Variants in DNAH3 observed in about 807,000 individuals in gnomAD.
The protein encoded by DNAH3 is axonemal beta dynein heavy chain 3.
In DNAH3, 332 loss-of-function variants were observed where a neutral mutation model predicts 432.5. The ratio of observed to expected loss-of-function variants is 0.77; its 90% CI spans 0.70 to 0.84. The LOEUF is 0.84. DNAH3 is among the 40% of genes least tolerant of loss of function. The pLI is 0.00. For synonymous variants in DNAH3, 1,956 were observed against 1,900.2 expected (o/e 1.03, Z -0.76); for missense variants, 4,861 against 5,114.0 (o/e 0.95, Z 1.51).
exon 37 of DNAH3, chr16:21,031,136 A>T: frequency 6.2e-7 from 1 of 1,614,158 alleles, no homozygotes. Context: ...ATCATCAGAG[A>T]GTGAAGACGC....
At chr16:21,065,593 C>T (rs1341592938) in intron 24 of DNAH3, among the ~76,000 whole-genome samples, 1 of 152,174 alleles carries the variant, frequency 6.6e-6, no homozygotes, top group Non-Finnish European at 1.5e-5. Context: ...CTATACTGTG[C>T]TGTCCAATAC....
intron 43 of DNAH3, among the ~76,000 whole-genome samples, chr16:20,997,835 T>TAA (rs765854199): frequency 0.24 from 17,700 of 74,346 alleles, 1,738 homozygotes; most frequent in African/African-American, 0.32. Context: ...CCTGTCTCCA[T>TAA]AAAAAAAAAA....
chr16:21,023,786 G>GGGGT (rs1555530933), intron 39 of DNAH3, among the ~76,000 whole-genome samples: 50 of 146,484 alleles, frequency 3.4e-4, no homozygotes, highest in East Asian at 8.1e-4. Context: ...CAGCTTTTGG[G>GGGGT]GTGTGTGTGT....
intron 43 of DNAH3, among the ~76,000 whole-genome samples, chr16:20,998,765 G>GC (rs1021476473): frequency 2.0e-5 from 3 of 149,000 alleles, no homozygotes; most frequent in Non-Finnish European, 4.5e-5. Flanking sequence ...AAAAAAAAAG[G>GC]GGGGGGCTCC....
At chr16:21,152,051 A>G (rs944509758) in intron 1 of DNAH3, among the ~76,000 whole-genome samples, 1 of 152,072 alleles carries the variant, frequency 6.6e-6, no homozygotes, top group Non-Finnish European at 1.5e-5. Context: ...CTTGGCCAAC[A>G]TAGTGAAACC....
intron 29 of DNAH3, among the ~76,000 whole-genome samples, chr16:21,051,404 G>A (rs1027729982): frequency 6.6e-6 from 1 of 152,150 alleles, no homozygotes; most frequent in African/African-American, 2.4e-5. Context: ...AGCCCTCTAC[G>A]TTAAGTCCTG....
At chr16:21,085,203 A>AC (rs200588717) in intron 19 of DNAH3, among the ~76,000 whole-genome samples, 1,902 of 150,626 alleles carry the variant, frequency 0.013, 31 homozygotes, top group African/African-American at 0.04. Context: ...ACATAGTAAG[A>AC]CCCCCCCCAT....
intron 60 of DNAH3, 83 bp downstream of exon 60, chr16:20,936,566 C>A (rs2301619): frequency 7.8e-7 from 1 of 1,278,616 alleles, no homozygotes; most frequent in Non-Finnish European, 1.1e-6. Flanking sequence ...CCTCCTCCCC[C>A]TGCCTCTAGT....
intron 28 of DNAH3, among the ~76,000 whole-genome samples, chr16:21,052,369 TG>T (rs2089990179): frequency 6.6e-6 from 1 of 152,228 alleles, no homozygotes; most frequent in Admixed American, 6.5e-5. Flanking sequence ...AGCTGGTCTT[TG>T]CTTTCTCCCA....
intron 1 of DNAH3, among the ~76,000 whole-genome samples, chr16:21,155,445 A>G (rs2092891489): frequency 1.3e-5 from 2 of 151,700 alleles, no homozygotes; most frequent in South Asian, 2.1e-4. Flanking sequence ...AACATGGTGA[A>G]ACCCTGTCTC....
chr16:21,096,134 A>ATT (rs11286672), intron 18 of DNAH3, among the ~76,000 whole-genome samples: 2,954 of 140,018 alleles, frequency 0.021, 103 homozygotes, highest in African/African-American at 0.072. Context: ...AGGGTCTCTG[A>ATT]TTTTTTTTTT....
intron 15 of DNAH3, among the ~76,000 whole-genome samples, chr16:21,106,096 C>A (rs2091938749): frequency 6.7e-6 from 1 of 148,494 alleles, no homozygotes; most frequent in South Asian, 2.1e-4. Context: ...AGGAGAATTG[C>A]TTGAACCCAG....
intron 58 of DNAH3, among the ~76,000 whole-genome samples, chr16:20,943,178 T>G (rs1395342036): frequency 6.6e-6 from 1 of 151,914 alleles, no homozygotes; most frequent in East Asian, 1.9e-4. Flanking sequence ...CAGCCCAGAA[T>G]CAAGCGATCC....
exon 46 of DNAH3, chr16:20,987,781 G>A (rs1666745439): frequency 6.2e-7 from 1 of 1,614,030 alleles, no homozygotes. Context: ...CTTCGAGGGA[G>A]TTGGCAAGAA....
intron 25 of DNAH3, among the ~76,000 whole-genome samples, chr16:21,061,555 T>C (rs572427185): frequency 6.6e-6 from 1 of 152,356 alleles, no homozygotes; most frequent in South Asian, 2.1e-4. Flanking sequence ...TCATGTCATT[T>C]TCTGAAACAG....
intron 11 of DNAH3, among the ~76,000 whole-genome samples, chr16:21,120,096 C>G (rs1162837027): frequency 7.0e-6 from 1 of 143,820 alleles, no homozygotes; most frequent in Non-Finnish European, 1.5e-5. Flanking sequence ...GTTAGCTTTT[C>G]CCTACCAACT....
intron 50 of DNAH3, among the ~76,000 whole-genome samples, chr16:20,976,936 T>C (rs1423323050): frequency 6.6e-6 from 1 of 152,224 alleles, no homozygotes; most frequent in East Asian, 1.9e-4. Context: ...GTTTGGGATA[T>C]TTTGCTATGG....
chr16:21,134,025 A>G, intron 7 of DNAH3: 1 of 429,234 alleles, frequency 2.3e-6, no homozygotes, highest in South Asian at 4.1e-5. Context: ...ATTAAGCAGG[A>G]TATTCCAGTG....
rs1048448080 is a variant in DNAH3, at chr16:21,036,908, C to T, written c.4951-60G>A. Reference sequence around the variant, plus strand: ...TAAAGTATCAGATATATGACCTCAACATTTTCCTAAAATGAGATGTATCAA... The same window carrying T: ...TAAAGTATCAGATATATGACCTCAATATTTTCCTAAAATGAGATGTATCAA... On this transcript the variant is annotated intron_variant, in intron 34 of 61. Coordinates refer to ENST00000261383, the Ensembl canonical transcript of DNAH3. 8 of 1,397,960 alleles carry T rather than the reference C, an allele frequency of 5.7e-6. No homozygotes were observed. The African/African-American group carries it at 1.0e-4, about 18-fold the overall frequency. 86.6% of individuals were successfully genotyped at this position (1,397,960 alleles called of 1,614,324 possible). A position where few individuals can be genotyped will look rare whatever the true frequency, so the allele number is the denominator to read the frequency against.
Sources: allele counts gnomAD v4.1 joint callset (sites outside exome capture counted in the v4.1 genomes callset), GRCh38; gene constraint gnomAD v4.1.1; transcripts MANE v1.5; gene names NCBI Gene and HGNC (gene_info 2026-07-23, HGNC 2026-07-21).